Variants in NPTN observed in about 807,000 individuals in gnomAD.
The protein encoded by NPTN is neuroplastin, also known as SDR-1.
Under a neutral mutation model 42.7 loss-of-function variants are expected in NPTN, and 5 were observed. The ratio of observed to expected loss-of-function variants is 0.12; its 90% CI spans 0.06 to 0.25. The LOEUF (loss-of-function observed/expected upper bound fraction) is 0.25. Ranked by LOEUF, NPTN falls within the 10% of genes least tolerant of loss-of-function variation. The probability of loss-of-function intolerance (pLI) is 1.00; values close to 1 mark genes in which losing one functional copy is unlikely to be tolerated. For synonymous variants in NPTN, 180 were observed against 201.9 expected (o/e 0.89, Z 0.92); for missense variants, 307 against 525.4 (o/e 0.58, Z 4.06).
intron 1 of NPTN, among the ~76,000 whole-genome samples, chr15:73,610,145 G>C (rs1897505442): frequency 6.6e-6 from 1 of 151,762 alleles, no homozygotes; most frequent in Non-Finnish European, 1.5e-5. Flanking sequence ...GGAGTGCAGT[G>C]GCATGATCAT....
intron 4 of NPTN, among the ~76,000 whole-genome samples, chr15:73,578,276 C>T (rs890346339): frequency 3.3e-5 from 5 of 151,962 alleles, no homozygotes; most frequent in African/African-American, 9.7e-5. Context: ...ACAGGCTCCC[C>T]GTGGCTACTA....
chr15:73,561,838 A>G (rs912423081), intron 8 of NPTN, 58 bp downstream of exon 8: 51 of 1,246,488 alleles, frequency 4.1e-5, no homozygotes, highest in East Asian at 7.1e-5. Flanking sequence ...AACAAGGTCA[A>G]TAGAGGCACA....
At chr15:73,568,070 T>C (rs1221930390) in intron 6 of NPTN, 1 of 985,510 alleles carries the variant, frequency 1.0e-6, no homozygotes, top group East Asian at 1.1e-4. Context: ...TATAACAAAC[T>C]GGTCCCCCAT....
intron 3 of NPTN, among the ~76,000 whole-genome samples, chr15:73,589,331 C>T (rs559465348): frequency 4.7e-5 from 7 of 149,886 alleles, no homozygotes; most frequent in Non-Finnish European, 1.0e-4. Flanking sequence ...GACCCTGTTG[C>T]GAAAAAAAAA....
chr15:73,619,472 A>G (rs1420618012), intron 1 of NPTN, among the ~76,000 whole-genome samples: 2 of 152,242 alleles, frequency 1.3e-5, no homozygotes, highest in African/African-American at 4.8e-5. Flanking sequence ...CTTCTATGGA[A>G]CAACTTAATT....
chr15:73,580,474 TATAC>T lies in NPTN; in HGVS notation c.707-6683_707-6680del, dbSNP rs1310393499. Among the ~76,000 whole-genome samples the T allele has an allele frequency of 1.4e-3, 187 of 131,284 alleles. 3 individuals carry two copies. Among genetic ancestry groups the T allele is most frequent in the African/African-American group, 6.0e-3 (179 of 29,786 alleles). 86.1% of individuals were successfully genotyped at this position (131,284 alleles called of 152,430 possible). A position where few individuals can be genotyped will look rare whatever the true frequency, so the allele number is the denominator to read the frequency against. Reference sequence around the variant, plus strand: ...TGTATATATACAAAATATATTTATATATACATAAATATATATATACATAAATATA... The same window carrying T: ...TGTATATATACAAAATATATTTATATATAAATATATATATACATAAATATA... On this transcript the variant is annotated intron_variant, in intron 4 of 8. Coordinates refer to ENST00000345330, the MANE Select transcript of NPTN (RefSeq NM_012428.4).
At chr15:73,602,482 G>A (rs12909389) in intron 1 of NPTN, among the ~76,000 whole-genome samples, 3,076 of 152,272 alleles carry the variant, frequency 0.02, 57 homozygotes, top group Non-Finnish European at 0.032. Flanking sequence ...ACATCTAAAC[G>A]TGAATACAGG....
At chr15:73,590,367 T>C (rs1015973068) in intron 3 of NPTN, among the ~76,000 whole-genome samples, 1 of 152,154 alleles carries the variant, frequency 6.6e-6, no homozygotes, top group Non-Finnish European at 1.5e-5. Flanking sequence ...AAAGTCAGGC[T>C]GAAACTTCAT....
At position 73,584,081 on chromosome 15, in the gene NPTN, C is replaced by T. The variant is rs529600051; in HGVS notation, c.706+3443G>A. Among the ~76,000 whole-genome samples, 74 of 152,194 alleles carry T rather than the reference C, an allele frequency of 4.9e-4. 2 individuals carry two copies. In the South Asian group the frequency reaches 0.015, roughly 30 times the overall value. Reference sequence around the variant, plus strand: ...GATCAATCCTGGCTCTCTCAGCAGCCAAAAGACTGAAACTCATTTGAAATG... The same window carrying T: ...GATCAATCCTGGCTCTCTCAGCAGCTAAAAGACTGAAACTCATTTGAAATG... On this transcript the variant is annotated intron_variant, in intron 4 of 8. Coordinates refer to ENST00000345330, the MANE Select transcript of NPTN (RefSeq NM_012428.4).
At chr15:73,601,598 C>A (rs1293992425) in intron 1 of NPTN, among the ~76,000 whole-genome samples, 1 of 152,144 alleles carries the variant, frequency 6.6e-6, no homozygotes, top group Non-Finnish European at 1.5e-5. Flanking sequence ...GTTGGGAGGC[C>A]AACAGAAGCA....
chr15:73,560,165 A>C lies in NPTN; in HGVS notation c.*898T>G. 2 of 315,308 alleles carry C rather than the reference A, an allele frequency of 6.3e-6. No individual in the cohort carries two copies. The highest frequency in any genetic ancestry group is 6.0e-5 in the South Asian group (1 of 16,566). The allele number at this position is 315,308 out of a possible 1,614,324, so 19.5% of individuals were successfully genotyped here. A position where few individuals can be genotyped will look rare whatever the true frequency, so the allele number is the denominator to read the frequency against. On this transcript the variant is annotated 3_prime_UTR_variant, in exon 9 of 9. Coordinates refer to ENST00000345330, the MANE Select transcript of NPTN (RefSeq NM_012428.4). ...TAGGTTATAAAATCTATCATCAACC[A>C]GTAAATCAATGTGAAAAAATACAGT...
intron 6 of NPTN, among the ~76,000 whole-genome samples, chr15:73,565,564 T>C (rs1894937295): frequency 6.6e-6 from 1 of 152,088 alleles, no homozygotes; most frequent in Non-Finnish European, 1.5e-5. Flanking sequence ...AAGGGTTTGA[T>C]GCAATTGAGG....
intron 6 of NPTN, chr15:73,568,280 A>G: frequency 1.0e-6 from 1 of 985,352 alleles, no homozygotes; most frequent in Non-Finnish European, 1.2e-6. Flanking sequence ...CTGCTGCATC[A>G]CTCTCACCAG....
chr15:73,580,539 TTGTTATATATGTATATATGTATATACA>T (rs1895978058), intron 4 of NPTN, among the ~76,000 whole-genome samples: 1 of 140,624 alleles, frequency 7.1e-6, no homozygotes, highest in Non-Finnish European at 1.5e-5. Context: ...ATGTATATAT[TTGTTATATATGTATATATGTATATACA>T]TGTTATATAT....
intron 2 of NPTN, among the ~76,000 whole-genome samples, chr15:73,596,567 A>G (rs750528279): frequency 6.6e-6 from 1 of 152,250 alleles, no homozygotes; most frequent in Non-Finnish European, 1.5e-5. Flanking sequence ...AAACAAAAAT[A>G]GAAAGGCACC....
chr15:73,633,030 C>T (rs894660844), intron 1 of NPTN, 95 bp downstream of exon 1: 1 of 915,120 alleles, frequency 1.1e-6, no homozygotes. Flanking sequence ...GGCCCCCTTC[C>T]CCGAGCTCCA....
At chr15:73,595,581 T>G (rs1292338282) in intron 2 of NPTN, among the ~76,000 whole-genome samples, 1 of 152,190 alleles carries the variant, frequency 6.6e-6, no homozygotes, top group Admixed American at 6.5e-5. Flanking sequence ...TCTTACTACT[T>G]TATGTTATTA....
At chr15:73,608,437 A>G (rs183699345) in intron 1 of NPTN, among the ~76,000 whole-genome samples, 8 of 152,358 alleles carry the variant, frequency 5.3e-5, no homozygotes, top group South Asian at 2.1e-4. Context: ...TGTTCTAGGC[A>G]AGAGGAAACA....
chr15:73,619,414 T>C (rs1392382910), intron 1 of NPTN, among the ~76,000 whole-genome samples: 1 of 152,190 alleles, frequency 6.6e-6, no homozygotes, highest in Non-Finnish European at 1.5e-5. Context: ...CTAGTAAAAC[T>C]CATGCTGCTA....
Sources: allele counts gnomAD v4.1 joint callset (sites outside exome capture counted in the v4.1 genomes callset), GRCh38; gene constraint gnomAD v4.1.1; transcripts MANE v1.5; gene names NCBI Gene and HGNC (gene_info 2026-07-23, HGNC 2026-07-21).